SLC22A24: variants seen among roughly 807,000 people sequenced by gnomAD.
The protein encoded by SLC22A24 is steroid transmembrane transporter SLC22A24.
SLC22A24 carries 53 observed loss-of-function variants against 49.8 expected under a neutral mutation model. The ratio of observed to expected loss-of-function variants is 1.06; its 90% CI spans 0.85 to 1.34. The LOEUF (loss-of-function observed/expected upper bound fraction) is 1.34. Among genes scored for constraint, SLC22A24 ranks in the 40% most tolerant of loss-of-function variants. The pLI, the probability that SLC22A24 is intolerant of heterozygous loss-of-function variation, is 0.00. For synonymous variants in SLC22A24, 302 were observed against 256.4 expected, an observed-to-expected ratio of 1.18 and a Z score of -1.70; for missense variants, 786 against 675.9, an observed-to-expected ratio of 1.16 and a Z score of -1.81.
At position 63,105,352 on chromosome 11, in the gene SLC22A24, G is replaced by C. The variant is rs185112665; in HGVS notation, c.831-1054C>G. Among the ~76,000 whole-genome samples the C allele has an allele frequency of 0.017, 198 of 11,506 alleles. 7 individuals are homozygous for C. The East Asian group carries it at 0.24, about 14-fold the overall frequency. The allele number at this position is 11,506 out of a possible 152,430, so 7.5% of individuals were successfully genotyped here. On this transcript the variant is annotated intron_variant, in intron 4 of 9. Coordinates refer to ENST00000612278, the MANE Select transcript of SLC22A24 (RefSeq NM_001136506.2). The stretch of plus-strand genomic sequence containing the variant: ...GTACCAGTGGGGACTCTCTGTGGGA[G>C]CTCTGGCCCCAATTTCCCTTCTGCA...
rs551348211 is a variant in SLC22A24 at position 63,131,044 on chromosome 11, CTT to C, written c.506+3619_506+3620del. 2.6e-5 allele frequency among the ~76,000 whole-genome samples: 4 copies of C among 152,064 alleles called. No homozygotes were observed. The East Asian group carries it at 5.8e-4, about 22-fold the overall frequency. On this transcript the variant is annotated intron_variant, in intron 2 of 9. Coordinates refer to ENST00000612278, the MANE Select transcript of SLC22A24 (RefSeq NM_001136506.2). Reference sequence around the variant, plus strand: ...CATTATATAGTGGCCTTCTTTGTCTCTTTTGATCTTTGTTGGTTTAAAGTCTG... The same window carrying C: ...CATTATATAGTGGCCTTCTTTGTCTCTTGATCTTTGTTGGTTTAAAGTCTG...
chr11:63,112,451 G>T (rs546519790), intron 4 of SLC22A24, among the ~76,000 whole-genome samples: 5 of 152,220 alleles, frequency 3.3e-5, no homozygotes, highest in Admixed American at 2.0e-4. Context: ...ATAGTGGGGT[G>T]TTAAAGTCTC....
chr11:63,083,152 C>T, intron 7 of SLC22A24, 91 bp downstream of exon 7: 1 of 1,021,718 alleles, frequency 9.8e-7, no homozygotes, highest in Non-Finnish European at 1.5e-6. Flanking sequence ...AAGGGCAATG[C>T]TGTTCTTTTG....
At chr11:63,105,921 T>G (rs2134652947) in intron 4 of SLC22A24, among the ~76,000 whole-genome samples, 1 of 152,158 alleles carries the variant, frequency 6.6e-6, no homozygotes, top group African/African-American at 2.4e-5. Context: ...AAACTGAATT[T>G]TTTTCTTTTA....
intron 2 of SLC22A24, among the ~76,000 whole-genome samples, chr11:63,129,414 C>T (rs2087317531): frequency 6.6e-6 from 1 of 152,162 alleles, no homozygotes; most frequent in Admixed American, 6.5e-5. Context: ...TAGCGTGTTG[C>T]CTCCAGCTTT....
intron 2 of SLC22A24, among the ~76,000 whole-genome samples, chr11:63,126,757 C>A (rs1256556741): frequency 6.6e-6 from 1 of 152,098 alleles, no homozygotes; most frequent in South Asian, 2.1e-4. Flanking sequence ...GGAAGTATGG[C>A]AATTTTCACA....
At position 63,113,095 on chromosome 11, in the gene SLC22A24, TATATATAC is replaced by T. The variant is rs1293866551; in HGVS notation, c.830+5809_830+5816del. On this transcript the variant is annotated intron_variant, in intron 4 of 9. Transcript: ENST00000612278. The stretch of plus-strand genomic sequence containing the variant: ...ATATATATACACATATATATACATA[TATATATAC>T]ATATATATACACATATATATATACA... Among the ~76,000 whole-genome samples, 19 of 6,936 alleles carry T rather than the reference TATATATAC, an allele frequency of 2.7e-3. 5 individuals are homozygous for T. The highest frequency in any genetic ancestry group is 4.4e-3 in the African/African-American group (17 of 3,840). 4.6% of individuals were successfully genotyped at this position (6,936 alleles called of 152,430 possible). A position where few individuals can be genotyped will look rare whatever the true frequency, so the allele number is the denominator to read the frequency against.
chr11:63,106,138 G>GAA (rs2087120292), intron 4 of SLC22A24, among the ~76,000 whole-genome samples: 1 of 134,724 alleles, frequency 7.4e-6, no homozygotes, highest in Non-Finnish European at 1.5e-5. Flanking sequence ...GTGTCCATGT[G>GAA]TTCTCATTGT....
chr11:63,108,115 C>T (rs1476687363), intron 4 of SLC22A24, among the ~76,000 whole-genome samples: 2 of 152,090 alleles, frequency 1.3e-5, no homozygotes, highest in Non-Finnish European at 2.9e-5. Context: ...CCCATCAATA[C>T]CTAGTCTATT....
chr11:63,124,598 C>A lies in SLC22A24; in HGVS notation c.507-5263G>T, dbSNP rs115045760. On this transcript the variant is annotated intron_variant, in intron 2 of 9. Transcript: ENST00000612278. ...TAGATGTTAGGGTCATCTTACAAAT[C>A]TGAGCCATGGTTATTGAAATAAATT... Among the ~76,000 whole-genome samples, 517 of 152,296 alleles carry A rather than the reference C, an allele frequency of 3.4e-3. 2 individuals carry two copies. Among genetic ancestry groups the A allele is most frequent in the African/African-American group, 0.012 (500 of 41,568 alleles).
chr11:63,142,699 C>T (rs1273927099), intron 1 of SLC22A24, among the ~76,000 whole-genome samples: 5 of 152,092 alleles, frequency 3.3e-5, no homozygotes, highest in Non-Finnish European at 7.4e-5. Flanking sequence ...TGTCACCACC[C>T]AGATCGATAA....
intron 4 of SLC22A24, among the ~76,000 whole-genome samples, chr11:63,115,605 G>A (rs191841706): frequency 6.6e-6 from 1 of 152,144 alleles, no homozygotes; most frequent in Non-Finnish European, 1.5e-5. Flanking sequence ...ATATGAACAA[G>A]GTACCTCAGT....
intron 4 of SLC22A24, among the ~76,000 whole-genome samples, chr11:63,109,962 A>C (rs948424650): frequency 3.3e-5 from 5 of 152,134 alleles, no homozygotes; most frequent in Non-Finnish European, 5.9e-5. Flanking sequence ...GATTTCTTCT[A>C]GGGTTTTTAT....
intron 4 of SLC22A24, among the ~76,000 whole-genome samples, chr11:63,116,775 C>G (rs1042208879): frequency 6.6e-6 from 1 of 152,136 alleles, no homozygotes; most frequent in Admixed American, 6.5e-5. Flanking sequence ...TCTGCTCCTC[C>G]TTACTTATTT....
At chr11:63,121,963 A>C (rs547159206) in intron 2 of SLC22A24, among the ~76,000 whole-genome samples, 32 of 152,338 alleles carry the variant, frequency 2.1e-4, no homozygotes, top group African/African-American at 7.7e-4. Context: ...TTTATGGTGA[A>C]AGATGGGAAT....
chr11:63,097,472 G>A (rs2087062626), intron 5 of SLC22A24, among the ~76,000 whole-genome samples: 1 of 151,642 alleles, frequency 6.6e-6, no homozygotes, highest in African/African-American at 2.4e-5. Flanking sequence ...TTTACACCAT[G>A]GGAGTGTAAA....
intron 6 of SLC22A24, among the ~76,000 whole-genome samples, chr11:63,086,983 G>A (rs1192553241): frequency 7.3e-5 from 10 of 136,940 alleles, no homozygotes. Flanking sequence ...AAAAATGAAA[G>A]TTTGCAAAAA....
intron 6 of SLC22A24, among the ~76,000 whole-genome samples, chr11:63,094,923 G>A (rs186877142): frequency 3.3e-5 from 5 of 152,080 alleles, no homozygotes; most frequent in East Asian, 1.9e-4. Flanking sequence ...TTCTCCCATT[G>A]TGTAGGTTGC....
intron 4 of SLC22A24, chr11:63,118,574 G>A: frequency 1.9e-6 from 1 of 519,324 alleles, no homozygotes; most frequent in Non-Finnish European, 3.4e-6. Flanking sequence ...TTCAATCTCA[G>A]TTACAATGAC....
Sources: gnomAD v4.1 joint callset for allele counts (sites outside exome capture counted in the v4.1 genomes callset) on GRCh38, gnomAD v4.1.1 for gene constraint, MANE v1.5 for transcripts, NCBI Gene and HGNC (gene_info 2026-07-23, HGNC 2026-07-21) for gene names.